Variants in FRMPD4 observed in about 807,000 individuals in gnomAD.
FRMPD4 encodes FERM and PDZ domain-containing protein 4.
Under a neutral mutation model 94.1 loss-of-function variants are expected in FRMPD4, and 22 were observed. The observed-to-expected ratio is 0.23, with a 90% CI of 0.17 to 0.33. The LOEUF (loss-of-function observed/expected upper bound fraction) is 0.33. Ranked by LOEUF, FRMPD4 falls within the 10% of genes least tolerant of loss-of-function variation. The probability of loss-of-function intolerance (pLI) is 1.00; values close to 1 mark genes in which losing one functional copy is unlikely to be tolerated. For synonymous variants in FRMPD4, 631 were observed against 548.6 expected (o/e 1.15, Z -2.10); for missense variants, 1,111 against 1,339.9 (o/e 0.83, Z 2.67).
At chrX:12,517,081 G>A (rs1049826955) in intron 2 of FRMPD4, among the ~76,000 whole-genome samples, 1 of 109,696 alleles carries the variant, frequency 9.1e-6, no homozygotes, top group African/African-American at 3.3e-5. Flanking sequence ...TCTCTAAACT[G>A]GTTATTCTGG....
intron 3 of FRMPD4, among the ~76,000 whole-genome samples, chrX:11,901,939 C>T (rs1419464266): frequency 1.8e-5 from 2 of 111,434 alleles, no homozygotes; most frequent in South Asian, 3.8e-4. Flanking sequence ...TTGCCTGCTT[C>T]GTGATGGGAT....
intron 3 of FRMPD4, among the ~76,000 whole-genome samples, chrX:11,934,041 G>A (rs1267556461): frequency 1.8e-5 from 2 of 112,028 alleles, no homozygotes; most frequent in Non-Finnish European, 3.8e-5. Context: ...AATGGTGGTT[G>A]AGCTAATCAA....
At chrX:12,004,059 G>A (rs763645464) in intron 3 of FRMPD4, among the ~76,000 whole-genome samples, 1 of 111,500 alleles carries the variant, frequency 9.0e-6, no homozygotes, top group Admixed American at 9.5e-5. Flanking sequence ...CTGTATCATA[G>A]AATGACATGG....
At chrX:11,842,900 C>G (rs947681480) in intron 1 of FRMPD4, among the ~76,000 whole-genome samples, 2 of 109,562 alleles carry the variant, frequency 1.8e-5, no homozygotes, top group African/African-American at 6.7e-5. Context: ...ATAGATAGCT[C>G]TTATTATTTT....
At chrX:12,231,050 A>AATATATATATAT (rs34870506) in intron 1 of FRMPD4, among the ~76,000 whole-genome samples, 6 of 30,554 alleles carry the variant, frequency 2.0e-4, no homozygotes, top group Admixed American at 8.3e-4. Flanking sequence ...ATATATATAA[A>AATATATATATAT]ATATATATAT....
chrX:11,981,527 A>G (rs376521380), intron 3 of FRMPD4, among the ~76,000 whole-genome samples: 3 of 111,376 alleles, frequency 2.7e-5, no homozygotes, highest in East Asian at 5.6e-4. Flanking sequence ...TAATGTAGCT[A>G]TACTCTTAAT....
chrX:12,179,178 A>G (rs1158384486), intron 1 of FRMPD4, among the ~76,000 whole-genome samples: 1 of 111,320 alleles, frequency 9.0e-6, no homozygotes, highest in East Asian at 2.8e-4. Flanking sequence ...CCTTCCTTAC[A>G]TTGGTGGTCT....
intron 2 of FRMPD4, among the ~76,000 whole-genome samples, chrX:12,570,368 C>T (rs2058750423): frequency 9.0e-6 from 1 of 111,527 alleles, no homozygotes; most frequent in Non-Finnish European, 1.9e-5. Flanking sequence ...GGCAATGGCA[C>T]GATCTCAGCT....
intron 1 of FRMPD4, among the ~76,000 whole-genome samples, chrX:12,305,725 G>GTTTT (rs58794898): frequency 3.4e-5 from 2 of 59,699 alleles, no homozygotes; most frequent in African/African-American, 7.6e-5. Flanking sequence ...AGCTGGCTAA[G>GTTTT]TTTTTTTTTT....
Position 12,389,304 on chromosome X carries a change from T to C in FRMPD4, c.42-109376T>C, listed in dbSNP as rs1042249304. On this transcript the variant is annotated intron_variant, in intron 1 of 16. Transcript: ENST00000675598. ...GCCTGGCCAACATGGGGAAACCCTG[T>C]CTCTACTACAAATACGAAAAATTAG... Among the ~76,000 whole-genome samples the C allele has an allele frequency of 2.7e-5, 3 of 109,624 alleles. No homozygotes were observed. In the East Asian group the frequency reaches 8.6e-4, roughly 31 times the overall value.
At chrX:12,068,374 T>A (rs893745264) in intron 3 of FRMPD4, among the ~76,000 whole-genome samples, 1 of 108,379 alleles carries the variant, frequency 9.2e-6, no homozygotes, top group African/African-American at 3.4e-5. Flanking sequence ...GCAATAAAAA[T>A]TTTGTTTTTT....
intron 3 of FRMPD4, among the ~76,000 whole-genome samples, chrX:12,098,752 G>T (rs996879033): frequency 2.7e-5 from 3 of 111,057 alleles, no homozygotes; most frequent in Admixed American, 1.9e-4. Flanking sequence ...AAAGCATAGG[G>T]TAGCACCCAC....
chrX:12,631,264 C>T (rs899580645), intron 4 of FRMPD4, among the ~76,000 whole-genome samples: 10 of 111,436 alleles, frequency 9.0e-5, no homozygotes, highest in Admixed American at 3.8e-4. Context: ...GCCTTCAGGC[C>T]TACCACTGTA....
At chrX:12,292,680 C>G (rs1378175483) in intron 1 of FRMPD4, among the ~76,000 whole-genome samples, 1 of 111,713 alleles carries the variant, frequency 9.0e-6, no homozygotes, top group Non-Finnish European at 1.9e-5. Flanking sequence ...CTTCAGGATC[C>G]TCATCCAGTA....
intron 8 of FRMPD4, among the ~76,000 whole-genome samples, chrX:12,691,256 T>G (rs763628127): frequency 1.1e-3 from 117 of 109,165 alleles, no homozygotes; most frequent in African/African-American, 3.5e-3. Flanking sequence ...TTTTTTGGGG[T>G]TTTTTTTGTT....
At chrX:12,234,393 T>G (rs1206195483) in intron 1 of FRMPD4, among the ~76,000 whole-genome samples, 1 of 111,829 alleles carries the variant, frequency 8.9e-6, no homozygotes, top group African/African-American at 3.3e-5. Flanking sequence ...ACAGCATAAA[T>G]CTTTTATTAG....
Position 12,498,547 on chromosome X carries a change from G to A in FRMPD4, c.42-133G>A, listed in dbSNP as rs751909304. ...TAGAAATTGTAAAAGATAATGTGTC[G>A]ATTTTTGTTGCAACGTTAATTGGGG... On this transcript the variant is annotated intron_variant, in intron 1 of 16. Transcript: ENST00000675598. 6 of 542,299 alleles carry A rather than the reference G, an allele frequency of 1.1e-5. No individual in the cohort carries two copies. In the East Asian group the frequency reaches 1.7e-4, roughly 15 times the overall value. The allele number at this position is 542,299 out of a possible 1,213,427, so 44.7% of individuals were successfully genotyped here.
intron 1 of FRMPD4, among the ~76,000 whole-genome samples, chrX:12,440,258 G>T (rs2057120177): frequency 8.9e-6 from 1 of 111,940 alleles, no homozygotes; most frequent in Admixed American, 9.5e-5. Context: ...GTTTAACTGG[G>T]TATTCTATAT....
intron 1 of FRMPD4, among the ~76,000 whole-genome samples, chrX:12,153,088 C>T (rs1389946386): frequency 9.1e-6 from 1 of 110,122 alleles, no homozygotes; most frequent in Non-Finnish European, 1.9e-5. Flanking sequence ...CACCCGCCAC[C>T]GCGCCCGGCT....
Sources: allele counts gnomAD v4.1 joint callset (sites outside exome capture counted in the v4.1 genomes callset), GRCh38; gene constraint gnomAD v4.1.1; transcripts MANE v1.5; gene names NCBI Gene and HGNC (gene_info 2026-07-23, HGNC 2026-07-21).